Variants in SH3GL3 observed in about 807,000 individuals in gnomAD.
SH3GL3 encodes endophilin-A3.
Under a neutral mutation model 47.7 loss-of-function variants are expected in SH3GL3, and 33 were observed. The observed-to-expected ratio is 0.69, with a 90% CI of 0.52 to 0.92. SH3GL3 has a LOEUF of 0.92. Among genes scored for constraint, SH3GL3 ranks in the 40% least tolerant of loss-of-function variants. The pLI, the probability that SH3GL3 is intolerant of heterozygous loss-of-function variation, is 0.00. For synonymous variants in SH3GL3, 155 were observed against 148.8 expected, an observed-to-expected ratio of 1.04 and a Z score of -0.30; for missense variants, 363 against 417.8, an observed-to-expected ratio of 0.87 and a Z score of 1.14.
chr15:83,504,236 A>G (rs1378777225), intron 1 of SH3GL3, among the ~76,000 whole-genome samples: 1 of 152,252 alleles, frequency 6.6e-6, no homozygotes, highest in East Asian at 1.9e-4. Context: ...CAACTGTACA[A>G]CCACCAGTTG....
intron 1 of SH3GL3, among the ~76,000 whole-genome samples, chr15:83,498,172 T>C (rs2042154055): frequency 6.6e-6 from 1 of 152,148 alleles, no homozygotes; most frequent in Non-Finnish European, 1.5e-5. Context: ...ACACCTCAAA[T>C]TAGTTTTCAA....
chr15:83,467,278 C>G (rs139907584), intron 1 of SH3GL3, among the ~76,000 whole-genome samples: 1 of 152,208 alleles, frequency 6.6e-6, no homozygotes, highest in African/African-American at 2.4e-5. Flanking sequence ...TCCAGTACCA[C>G]GTGTTGCAAA....
rs116728707 is a variant in SH3GL3 at position 83,578,779 on chromosome 15, T to C, written c.624+2038T>C. On this transcript the variant is annotated intron_variant, in intron 6 of 8. Transcript: ENST00000427482. ...TTGTCCCCAAGCAACAGCGATTTTG[T>C]TTTGTTTCAGATTGCCGTATTGTTT... Among the ~76,000 whole-genome samples the C allele has an allele frequency of 3.9e-3, 588 of 152,304 alleles. 4 individuals carry two copies. Among genetic ancestry groups the C allele is most frequent in the African/African-American group, 0.013 (538 of 41,568 alleles).
chr15:83,500,397 C>T lies in SH3GL3; in HGVS notation c.45+52819C>T, dbSNP rs115203309. Among the ~76,000 whole-genome samples the T allele has an allele frequency of 3.0e-3, 461 of 152,336 alleles. 2 individuals are homozygous for T. The highest frequency in any genetic ancestry group is 0.011 in the African/African-American group (439 of 41,584). ...CTGCCTCCTTTTGAGCCCCTCTTCC[C>T]GGACCACACTTTTGCTGGAGTTCAC... On this transcript the variant is annotated intron_variant, in intron 1 of 8. Transcript: ENST00000427482.
chr15:83,492,604 T>C (rs142500945), intron 1 of SH3GL3, among the ~76,000 whole-genome samples: 2 of 152,292 alleles, frequency 1.3e-5, no homozygotes, highest in Admixed American at 6.5e-5. Flanking sequence ...AGGTTACACA[T>C]GGTAAGCGGA....
Position 83,447,463 on chromosome 15 carries a change from C to T in SH3GL3, c.-71C>T. ...GGGGGACCGGCCCGGGCTCCCGCTC[C>T]CCGAGCGCGTCGCGGCCGCGTGGCC... On this transcript the variant is annotated 5_prime_UTR_variant, in exon 1 of 9. Transcript: ENST00000427482. The surrounding 1 kb of genome is among the most constrained non-coding windows in gnomAD (Gnocchi z 5.1). The T allele has an allele frequency of 7.3e-7, 1 of 1,375,668 alleles. No homozygotes were observed. Among genetic ancestry groups the T allele is most frequent in the Non-Finnish European group, 9.5e-7 (1 of 1,048,222 alleles). The allele number at this position is 1,375,668 out of a possible 1,614,324, so 85.2% of individuals were successfully genotyped here. A position where few individuals can be genotyped will look rare whatever the true frequency, so the allele number is the denominator to read the frequency against.
At chr15:83,511,889 C>A (rs539000761) in intron 1 of SH3GL3, among the ~76,000 whole-genome samples, 3 of 152,172 alleles carry the variant, frequency 2.0e-5, no homozygotes, top group Non-Finnish European at 4.4e-5. Context: ...CTTAGTGCTG[C>A]ACAAGCTTTC....
intron 2 of SH3GL3, 39 bp downstream of exon 2, chr15:83,559,360 C>T (rs1454402581): frequency 1.8e-6 from 2 of 1,093,828 alleles, no homozygotes; most frequent in Admixed American, 1.7e-5. Context: ...TAGAAACTGA[C>T]TTTCATTGTG....
At chr15:83,587,593 A>G (rs543662272) in intron 7 of SH3GL3, among the ~76,000 whole-genome samples, 2 of 152,100 alleles carry the variant, frequency 1.3e-5, no homozygotes, top group South Asian at 4.2e-4. Flanking sequence ...ATATGTTCAT[A>G]ATATTGACTA....
chr15:83,592,546 T>A (rs2060135482), intron 8 of SH3GL3, among the ~76,000 whole-genome samples: 1 of 152,190 alleles, frequency 6.6e-6, no homozygotes. Flanking sequence ...AAGTTTGGCT[T>A]TCACTCCTCC....
At chr15:83,598,097 A>C (rs2060279794) in intron 8 of SH3GL3, among the ~76,000 whole-genome samples, 1 of 152,132 alleles carries the variant, frequency 6.6e-6, no homozygotes, top group Non-Finnish European at 1.5e-5. Flanking sequence ...TGTTCTGTTG[A>C]GTGCAGTGGA....
At chr15:83,627,041 CAGTCCTGAAG>C in the SH3GL3 span, among the ~76,000 whole-genome samples, 1 of 152,174 alleles carries the variant, frequency 6.6e-6, no homozygotes, top group Non-Finnish European at 1.5e-5. Flanking sequence ...TTATACTTAT[CAGTCCTGAAG>C]ATGCAGATTA....
At chr15:83,516,048 AT>A (rs1473890543) in intron 1 of SH3GL3, among the ~76,000 whole-genome samples, 4 of 149,690 alleles carry the variant, frequency 2.7e-5, no homozygotes, top group Admixed American at 1.3e-4. Flanking sequence ...AAATCATAGT[AT>A]TTAGTGATGT....
chr15:83,612,787 A>G (rs1013107306), intron 8 of SH3GL3, among the ~76,000 whole-genome samples: 3 of 151,902 alleles, frequency 2.0e-5, no homozygotes, highest in Non-Finnish European at 2.9e-5. Flanking sequence ...CTCCCTCTCC[A>G]TGGCTTGTAA....
chr15:83,462,958 A>G (rs1269407227), intron 1 of SH3GL3, among the ~76,000 whole-genome samples: 1 of 152,172 alleles, frequency 6.6e-6, no homozygotes, highest in Non-Finnish European at 1.5e-5. Context: ...TCAAAACCTG[A>G]ATACAGGCTG....
Position 83,532,551 on chromosome 15 carries a change from G to T in SH3GL3, c.46-26702G>T, listed in dbSNP as rs190269451. 2.6e-5 allele frequency among the ~76,000 whole-genome samples: 4 copies of T among 152,288 alleles called. No individual in the cohort carries two copies. The East Asian group carries it at 7.7e-4, about 29-fold the overall frequency. On this transcript the variant is annotated intron_variant, in intron 1 of 8. Transcript: ENST00000427482. ...TAAGCTAGGAGCCTGAATTTATCCTGGGTATGAAGGAATTGGATGGTCATT... is the reference window on the plus strand; with the variant it reads ...TAAGCTAGGAGCCTGAATTTATCCTTGGTATGAAGGAATTGGATGGTCATT...
At chr15:83,562,089 G>A (rs988871545) in intron 2 of SH3GL3, among the ~76,000 whole-genome samples, 1 of 138,448 alleles carries the variant, frequency 7.2e-6, no homozygotes, top group African/African-American at 2.8e-5. Flanking sequence ...ACACTATAGT[G>A]TCCCTAGTTA....
chr15:83,600,373 G>A (rs896137447), intron 8 of SH3GL3, among the ~76,000 whole-genome samples: 8 of 152,164 alleles, frequency 5.3e-5, no homozygotes, highest in Non-Finnish European at 1.5e-5. Context: ...TGTATAAGGT[G>A]AGAGATGAGG....
intron 8 of SH3GL3, among the ~76,000 whole-genome samples, chr15:83,614,862 A>G (rs2060772696): frequency 6.6e-6 from 1 of 152,138 alleles, no homozygotes; most frequent in South Asian, 2.1e-4. Context: ...TCCTCCTCCC[A>G]TAATGCTGTC....
Sources: allele counts gnomAD v4.1 joint callset (sites outside exome capture counted in the v4.1 genomes callset), GRCh38; gene constraint gnomAD v4.1.1; non-coding constraint Gnocchi (gnomAD v3.1); transcripts MANE v1.5; gene names NCBI Gene and HGNC (gene_info 2026-07-23, HGNC 2026-07-21).